PPARGC1A: variants seen among roughly 807,000 people sequenced by gnomAD.
PPARGC1A encodes peroxisome proliferator-activated receptor gamma coactivator 1-alpha.
A neutral mutation model predicts 88.7 loss-of-function variants in PPARGC1A; 25 were observed. That is an observed-to-expected ratio of 0.28 (90% CI 0.21 to 0.39). The LOEUF is 0.39. Ranked by LOEUF, PPARGC1A falls within the 10% of genes least tolerant of loss-of-function variation. The pLI is 1.00. For synonymous variants in PPARGC1A, 363 were observed against 355.6 expected, an observed-to-expected ratio of 1.02 and a Z score of -0.24; for missense variants, 880 against 968.7, an observed-to-expected ratio of 0.91 and a Z score of 1.22.
the PPARGC1A span, among the ~76,000 whole-genome samples, chr4:24,100,659 A>T: frequency 1.3e-5 from 2 of 152,232 alleles, no homozygotes; most frequent in African/African-American, 4.8e-5. Flanking sequence ...TAACCTTGGA[A>T]TTAAATGAGT....
chr4:24,155,450 C>G, the PPARGC1A span, among the ~76,000 whole-genome samples: 5 of 151,710 alleles, frequency 3.3e-5, no homozygotes, highest in African/African-American at 1.2e-4. Flanking sequence ...TGGCAAAGCC[C>G]TTTCTCTACA....
the PPARGC1A span, among the ~76,000 whole-genome samples, chr4:24,340,886 A>G: frequency 2.0e-5 from 3 of 152,288 alleles, no homozygotes; most frequent in South Asian, 6.2e-4. Flanking sequence ...TGACAAGCCA[A>G]TGGGGAACAG....
chr4:24,341,061 A>G, the PPARGC1A span, among the ~76,000 whole-genome samples: 7 of 152,288 alleles, frequency 4.6e-5, no homozygotes, highest in South Asian at 1.2e-3. Context: ...AATCCGTGCT[A>G]TTACAAAGAT....
At chr4:24,085,699 A>G in the PPARGC1A span, among the ~76,000 whole-genome samples, 1 of 152,220 alleles carries the variant, frequency 6.6e-6, no homozygotes, top group Non-Finnish European at 1.5e-5. Context: ...GAGAGCCTGC[A>G]TTCTAACTCA....
the PPARGC1A span, among the ~76,000 whole-genome samples, chr4:24,021,570 A>G: frequency 2.6e-5 from 4 of 152,102 alleles, no homozygotes; most frequent in Non-Finnish European, 5.9e-5. Flanking sequence ...AATGTGATAC[A>G]GTTAGTGTTA....
At chr4:24,247,968 C>T in the PPARGC1A span, among the ~76,000 whole-genome samples, 2 of 152,114 alleles carry the variant, frequency 1.3e-5, no homozygotes, top group South Asian at 4.1e-4. Context: ...TTTCCCTTCC[C>T]TTTCCAAAAG....
At chr4:24,166,994 A>T in the PPARGC1A span, among the ~76,000 whole-genome samples, 1 of 152,254 alleles carries the variant, frequency 6.6e-6, no homozygotes, top group African/African-American at 2.4e-5. Flanking sequence ...AATACATTTC[A>T]TAAAGCTATA....
the PPARGC1A span, among the ~76,000 whole-genome samples, chr4:24,208,857 T>A: frequency 6.6e-6 from 1 of 152,014 alleles, no homozygotes; most frequent in Non-Finnish European, 1.5e-5. Context: ...TGCAACTCTA[T>A]AATGAGAGTG....
the PPARGC1A span, among the ~76,000 whole-genome samples, chr4:24,287,457 A>G: frequency 1.4e-4 from 21 of 152,226 alleles, no homozygotes; most frequent in African/African-American, 5.1e-4. Context: ...AGCACCCTAA[A>G]TGATATAAAG....
intron 2 of PPARGC1A, among the ~76,000 whole-genome samples, chr4:23,836,730 A>G (rs181502827): frequency 1.1e-3 from 170 of 152,294 alleles, no homozygotes; most frequent in Admixed American, 0.011. Context: ...GCACCTCTAC[A>G]TTAAAATTCT....
the PPARGC1A span, among the ~76,000 whole-genome samples, chr4:24,187,695 C>T: frequency 7.9e-5 from 12 of 152,124 alleles, no homozygotes; most frequent in Non-Finnish European, 1.3e-4. Flanking sequence ...GAGGATTAGA[C>T]GTCTATTAAA....
intron 7 of PPARGC1A, 89 bp from the exon 8 acceptor site, chr4:23,814,694 A>C: frequency 8.1e-7 from 1 of 1,229,946 alleles, no homozygotes; most frequent in Admixed American, 3.0e-5. Flanking sequence ...ACATGTTTCT[A>C]ATTTTTCCAA....
At chr4:24,061,388 C>T in the PPARGC1A span, among the ~76,000 whole-genome samples, 1 of 152,210 alleles carries the variant, frequency 6.6e-6, no homozygotes, top group East Asian at 1.9e-4. Context: ...AAGGAGAACG[C>T]TAAGAAAGCA....
chr4:24,142,235 G>A, the PPARGC1A span, among the ~76,000 whole-genome samples: 2 of 152,134 alleles, frequency 1.3e-5, no homozygotes, highest in Non-Finnish European at 2.9e-5. Context: ...AAAATTCCCT[G>A]CTCTTGAGGT....
chr4:24,405,708 C>G, the PPARGC1A span, among the ~76,000 whole-genome samples: 51 of 152,194 alleles, frequency 3.4e-4, no homozygotes, highest in Middle Eastern at 0.017. Context: ...CTCCAACCAG[C>G]CAGTATGGCC....
At chr4:24,314,677 A>G in the PPARGC1A span, among the ~76,000 whole-genome samples, 1 of 152,178 alleles carries the variant, frequency 6.6e-6, no homozygotes, top group Non-Finnish European at 1.5e-5. Flanking sequence ...GTGATAATAG[A>G]GTTTTGATCA....
the PPARGC1A span, among the ~76,000 whole-genome samples, chr4:23,966,931 G>A: frequency 7.9e-5 from 12 of 152,264 alleles, no homozygotes; most frequent in Non-Finnish European, 1.2e-4. Context: ...GTTGGTGTGA[G>A]GCCATGCATC....
chr4:23,900,464 C>G (rs1028821729), upstream of PPARGC1A, among the ~76,000 whole-genome samples: 1 of 152,110 alleles, frequency 6.6e-6, no homozygotes, highest in African/African-American at 2.4e-5. Flanking sequence ...ATATAAATGC[C>G]TATTTTACAT....
the PPARGC1A span, among the ~76,000 whole-genome samples, chr4:24,426,184 A>G: frequency 5.9e-5 from 9 of 152,130 alleles, no homozygotes; most frequent in African/African-American, 2.2e-4. Flanking sequence ...CTCTAATATA[A>G]TACTTCGTAA....
Sources: gnomAD v4.1 joint callset for allele counts (sites outside exome capture counted in the v4.1 genomes callset) on GRCh38, gnomAD v4.1.1 for gene constraint, MANE v1.5 for transcripts, NCBI Gene and HGNC (gene_info 2026-07-23, HGNC 2026-07-21) for gene names.